PFKL: variants seen among roughly 807,000 people sequenced by gnomAD.
PFKL encodes phosphofructokinase, liver type.
Under a neutral mutation model 92.1 loss-of-function variants are expected in PFKL, and 74 were observed. The observed-to-expected ratio is 0.80, with a 90% CI of 0.67 to 0.97. The LOEUF (loss-of-function observed/expected upper bound fraction) is 0.97, where lower values mean the gene tolerates loss of function less well. Among genes scored for constraint, PFKL ranks in the 50% least tolerant of loss-of-function variants. The probability of loss-of-function intolerance (pLI) is 0.00; values close to 1 mark genes in which losing one functional copy is unlikely to be tolerated. For synonymous variants in PFKL, 494 were observed against 456.4 expected, an observed-to-expected ratio of 1.08 and a Z score of -1.05; for missense variants, 1,028 against 1,116.6, an observed-to-expected ratio of 0.92 and a Z score of 1.13.
chr21:44,310,622 C>G (rs1602010909), intron 2 of PFKL, among the ~76,000 whole-genome samples: 1 of 152,316 alleles, frequency 6.6e-6, no homozygotes, highest in Non-Finnish European at 1.5e-5. Flanking sequence ...TCTGTGGTGT[C>G]ATTTCTAGGA....
intron 7 of PFKL, 126 bp downstream of exon 7, chr21:44,314,147 C>T: frequency 4.3e-6 from 3 of 693,546 alleles, no homozygotes; most frequent in Non-Finnish European, 7.4e-6. Context: ...GCTGCAGGTG[C>T]CCCTTGGGGG....
chr21:44,313,889 G>A, intron 6 of PFKL, 24 bp from the exon 7 acceptor site: 1 of 1,545,042 alleles, frequency 6.5e-7, no homozygotes, highest in African/African-American at 1.4e-5. Flanking sequence ...GGGGTCCTGA[G>A]CAGGCAGGCG....
intron 7 of PFKL, chr21:44,316,004 C>T: frequency 1.8e-6 from 1 of 550,656 alleles, no homozygotes; most frequent in Non-Finnish European, 3.3e-6. Context: ...CTGCCCTTCC[C>T]AGGCTTTCGG....
intron 7 of PFKL, chr21:44,315,394 C>G (rs1162870004): frequency 6.6e-6 from 1 of 152,464 alleles, no homozygotes; most frequent in Non-Finnish European, 1.5e-5. Context: ...GGTGGCACAG[C>G]TCTCCTGCTG....
intron 3 of PFKL, 78 bp downstream of exon 3, chr21:44,311,161 C>A: frequency 9.4e-7 from 1 of 1,065,802 alleles, no homozygotes. Context: ...CACACACAGA[C>A]ACACACACAG....
At chr21:44,322,899 G>T in intron 14 of PFKL, 63 bp from the exon 15 acceptor site, 2 of 1,221,292 alleles carry the variant, frequency 1.6e-6, no homozygotes, top group African/African-American at 1.5e-5. Flanking sequence ...TCTGTGATCA[G>T]ATGCAATCTG....
intron 11 of PFKL, 98 bp downstream of exon 11, chr21:44,319,513 A>T: frequency 3.9e-6 from 4 of 1,032,242 alleles, no homozygotes; most frequent in South Asian, 1.3e-5. Flanking sequence ...GGCCTGGGTC[A>T]TCCTTCTAGG....
At chr21:44,304,043 AGAACGTGTCCCTTTCCAGTCCC>A (rs2040856301) in intron 1 of PFKL, among the ~76,000 whole-genome samples, 1 of 58,016 alleles carries the variant, frequency 1.7e-5, no homozygotes, top group African/African-American at 1.0e-4. Context: ...TCTAAAATCC[AGAACGTGTCCCTTTCCAGTCCC>A]GTTCTAAAAT....
At chr21:44,302,915 A>G (rs1408337892) in intron 1 of PFKL, among the ~76,000 whole-genome samples, 1 of 152,130 alleles carries the variant, frequency 6.6e-6, no homozygotes, top group African/African-American at 2.4e-5. Context: ...TATTTGCACA[A>G]TAACCTGTGC....
intron 3 of PFKL, 96 bp from the exon 4 acceptor site, chr21:44,312,009 G>A: frequency 9.7e-7 from 1 of 1,029,836 alleles, no homozygotes; most frequent in African/African-American, 1.7e-5. Context: ...GGGTCTGCCA[G>A]CCCCTTGCTG....
rs534805886 is a variant in PFKL at position 44,318,610 on chromosome 21, C to G, written c.1062+15C>G. 22 of 1,457,404 alleles carry G rather than the reference C, an allele frequency of 1.5e-5. No individual in the cohort carries two copies. In the Admixed American group the frequency reaches 3.7e-4, roughly 24 times the overall value. 90.3% of individuals were successfully genotyped at this position (1,457,404 alleles called of 1,614,324 possible). A position where few individuals can be genotyped will look rare whatever the true frequency, so the allele number is the denominator to read the frequency against. ...GCGTGCAGATGGTAAGCCCTGGGCC[C>G]CCCCCATCAGAACCGCCTGGCCCCT... On this transcript the variant is annotated intron_variant, in intron 10 of 21. Coordinates refer to ENST00000349048, the MANE Select transcript of PFKL (RefSeq NM_002626.6).
At chr21:44,319,297 A>G in intron 10 of PFKL, 54 bp from the exon 11 acceptor site, 5 of 1,474,170 alleles carry the variant, frequency 3.4e-6, no homozygotes, top group South Asian at 1.1e-5. Flanking sequence ...GGCAGTAGCC[A>G]TGGGTGTGCG....
In PFKL at chr21:44,327,078, G is replaced by A. The variant is rs2047535393; in HGVS notation, c.*216G>A. On this transcript the variant is annotated 3_prime_UTR_variant, in exon 22 of 22. Transcript: ENST00000349048. ...TGCCAGGCCCTCCAGCAGGAGGACA[G>A]AGTGCCCTGGGGCATCCACCTTCCT... 3.4e-6 allele frequency: 2 copies of A among 590,360 alleles called. No homozygotes were observed. The highest frequency in any genetic ancestry group is 6.1e-6 in the Non-Finnish European group (2 of 330,338). 36.6% of individuals were successfully genotyped at this position (590,360 alleles called of 1,614,324 possible). A position where few individuals can be genotyped will look rare whatever the true frequency, so the allele number is the denominator to read the frequency against.
At chr21:44,309,140 T>G (rs1034536517) in intron 2 of PFKL, among the ~76,000 whole-genome samples, 2 of 152,084 alleles carry the variant, frequency 1.3e-5, no homozygotes, top group African/African-American at 4.8e-5. Context: ...GCTGCGTCAG[T>G]TCACATCAGA....
chr21:44,325,811 G>A, intron 19 of PFKL, 150 bp from the exon 20 acceptor site: 1 of 617,582 alleles, frequency 1.6e-6, no homozygotes. Context: ...TCCTCGATCG[G>A]GAACAGACGG....
rs575150015 is a variant in PFKL, at chr21:44,324,286, G to C, written c.1651-205G>C. On this transcript the variant is annotated intron_variant, in intron 16 of 21. Transcript: ENST00000349048. ...TGCAGGCTGCTGTCCACTGTGCCCT[G>C]GGGGGTGGGGTCGCCTGGTTGAGAA... 1.5e-5 allele frequency: 9 copies of C among 606,402 alleles called. No individual in the cohort carries two copies. In the Admixed American group the frequency reaches 1.5e-4, roughly 10 times the overall value. The allele number at this position is 606,402 out of a possible 1,614,324, so 37.6% of individuals were successfully genotyped here. A position where few individuals can be genotyped will look rare whatever the true frequency, so the allele number is the denominator to read the frequency against.
rs1420494190 is a variant in PFKL at position 44,313,986 on chromosome 21, G to A, written c.712G>A (p.Gly238Ser). 8.1e-6 allele frequency: 13 copies of A among 1,607,598 alleles called. No homozygotes were observed. Among genetic ancestry groups the A allele is most frequent in the Admixed American group, 6.8e-5 (4 of 59,160 alleles). The change falls in exon 7 of 22, where the codon GGC becomes AGC. Residue 238 changes from glycine (G) to serine (S), a missense_variant. By Grantham distance (56) the Gly-to-Ser change is moderately conservative. Coordinates refer to ENST00000349048, the MANE Select transcript of PFKL (RefSeq NM_002626.6). ...LFIPEAPPED[G>S]WENFMCERLG... The stretch of plus-strand genomic sequence containing the variant: ...CATCCCCGAGGCTCCACCCGAGGAC[G>A]GCTGGGAGAACTTCATGTGTGAGAG...
At chr21:44,318,798 C>T (rs1418871058) in intron 10 of PFKL, among the ~76,000 whole-genome samples, 1 of 152,156 alleles carries the variant, frequency 6.6e-6, no homozygotes, top group African/African-American at 2.4e-5. Flanking sequence ...GGACGTTCCC[C>T]AGGAGGTGTG....
chr21:44,319,477 G>T, intron 11 of PFKL, 62 bp downstream of exon 11: 8 of 1,379,934 alleles, frequency 5.8e-6, no homozygotes, highest in Non-Finnish European at 8.3e-6. Context: ...CAGGCAGCAT[G>T]TGCTGCAGTG....
Sources: allele counts gnomAD v4.1 joint callset (sites outside exome capture counted in the v4.1 genomes callset), GRCh38; gene constraint gnomAD v4.1.1; transcripts MANE v1.5; gene names NCBI Gene and HGNC (gene_info 2026-07-23, HGNC 2026-07-21).